The following NUP210L variants were observed in gnomAD, a reference collection of about 807,000 sequenced individuals.
The protein encoded by NUP210L is nuclear pore membrane glycoprotein 210-like.
In NUP210L, 74 loss-of-function variants were observed where a neutral mutation model predicts 208.5. That is an observed-to-expected ratio of 0.35 (90% CI 0.29 to 0.43). The LOEUF (loss-of-function observed/expected upper bound fraction) is 0.43. NUP210L is among the 20% of genes least tolerant of loss of function. NUP210L has a pLI of 1.00. For synonymous variants in NUP210L, 780 were observed against 816.9 expected (o/e 0.95, Z 0.77); for missense variants, 1,843 against 2,289.4 (o/e 0.81, Z 3.98).
chr1:154,072,812 A>C (rs915880757), intron 16 of NUP210L, among the ~76,000 whole-genome samples: 1 of 152,192 alleles, frequency 6.6e-6, no homozygotes. Flanking sequence ...TGAAACTATA[A>C]AAATTCTAGA....
intron 17 of NUP210L, among the ~76,000 whole-genome samples, chr1:154,066,573 T>C (rs960675313): frequency 3.7e-4 from 56 of 152,308 alleles, no homozygotes; most frequent in African/African-American, 1.3e-3. Context: ...ATAGTGCCCC[T>C]GCACTCCGGC....
chr1:154,069,808 C>T (rs865973034), intron 17 of NUP210L, among the ~76,000 whole-genome samples: 3 of 152,166 alleles, frequency 2.0e-5, no homozygotes, highest in Admixed American at 6.5e-5. Context: ...ACCAAAATGT[C>T]CATCAATGAT....
exon 15 of NUP210L, chr1:154,094,974 C>A: frequency 6.2e-7 from 1 of 1,614,098 alleles, no homozygotes. Flanking sequence ...GGTAGATGTA[C>A]TGGTTCTGTT....
intron 27 of NUP210L, among the ~76,000 whole-genome samples, chr1:154,032,995 AAGAAAG>A (rs1481708480): frequency 4.2e-5 from 6 of 143,314 alleles, no homozygotes; most frequent in Non-Finnish European, 9.1e-5. Flanking sequence ...AAAGAAAAGA[AAGAAAG>A]AAAAAAAGAA....
At chr1:153,994,900 T>G (rs939523601) in intron 38 of NUP210L, among the ~76,000 whole-genome samples, 176 bp downstream of exon 38, 67 of 151,330 alleles carry the variant, frequency 4.4e-4, no homozygotes, top group African/African-American at 1.3e-3. Flanking sequence ...TAATCCCAGC[T>G]ACTCGGGAGG....
chr1:154,107,070 C>A (rs1387263563), intron 12 of NUP210L, among the ~76,000 whole-genome samples: 1 of 151,998 alleles, frequency 6.6e-6, no homozygotes, highest in Non-Finnish European at 1.5e-5. Flanking sequence ...ACCTTACAGA[C>A]AAAGAGTTCA....
Position 154,132,651 on chromosome 1 carries a change from T to TG in NUP210L, c.1009+3162dup, listed in dbSNP as rs1009045994. Among the ~76,000 whole-genome samples, 9 of 151,886 alleles carry TG rather than the reference T, an allele frequency of 5.9e-5. No homozygotes were observed. In the East Asian group the frequency reaches 1.2e-3, roughly 20 times the overall value. ...AAAATAACAATATGAACTGAAAATA[T>TG]GGGGGAAAAAAAGAACATTTAAGTT... On this transcript the variant is annotated intron_variant, in intron 7 of 39. Transcript: ENST00000368559.
chr1:154,091,377 T>C (rs1344078655), intron 15 of NUP210L, among the ~76,000 whole-genome samples: 1 of 151,990 alleles, frequency 6.6e-6, no homozygotes, highest in Admixed American at 6.6e-5. Flanking sequence ...ATTACAAGTG[T>C]GAGCCACTGT....
chr1:154,071,838 A>G (rs1284749092), intron 16 of NUP210L, among the ~76,000 whole-genome samples: 1 of 151,642 alleles, frequency 6.6e-6, no homozygotes, highest in Admixed American at 6.6e-5. Context: ...GGATTTCACC[A>G]TGTTAGCCAG....
chr1:154,125,651 A>G (rs372822222), intron 10 of NUP210L, among the ~76,000 whole-genome samples: 2 of 15,808 alleles, frequency 1.3e-4, no homozygotes, highest in Admixed American at 6.6e-4. Context: ...GGAAGGAAGG[A>G]AGGAAGGAAG....
intron 16 of NUP210L, among the ~76,000 whole-genome samples, 181 bp downstream of exon 16, chr1:154,089,240 T>C (rs1000743156): frequency 6.6e-6 from 1 of 152,138 alleles, no homozygotes; most frequent in Admixed American, 6.6e-5. Context: ...TTGGTAAGAA[T>C]GTAAAATGGT....
At chr1:153,993,353 T>G (rs1382462363) in intron 38 of NUP210L, among the ~76,000 whole-genome samples, 1 of 149,938 alleles carries the variant, frequency 6.7e-6, no homozygotes, top group Non-Finnish European at 1.5e-5. Context: ...GATCACGAGG[T>G]CAGGAGATTG....
At chr1:154,029,711 CA>C (rs1652105164) in intron 28 of NUP210L, among the ~76,000 whole-genome samples, 184 bp downstream of exon 28, 1 of 151,862 alleles carries the variant, frequency 6.6e-6, no homozygotes, top group African/African-American at 2.4e-5. Flanking sequence ...AAAACAAAAA[CA>C]AAAAACAAAA....
intron 34 of NUP210L, among the ~76,000 whole-genome samples, chr1:154,010,903 A>C (rs1222348684): frequency 2.0e-5 from 3 of 152,074 alleles, no homozygotes; most frequent in Non-Finnish European, 4.4e-5. Flanking sequence ...ATAAATAAAA[A>C]TAAAGCAGTA....
At chr1:154,039,427 G>A (rs1043873590) in intron 27 of NUP210L, among the ~76,000 whole-genome samples, 35 of 151,856 alleles carry the variant, frequency 2.3e-4, no homozygotes, top group South Asian at 8.4e-4. Flanking sequence ...AGAGACGGGG[G>A]GTTTCACCAT....
intron 15 of NUP210L, among the ~76,000 whole-genome samples, chr1:154,090,809 C>T (rs1448243459): frequency 6.8e-6 from 1 of 148,138 alleles, no homozygotes; most frequent in Non-Finnish European, 1.5e-5. Context: ...CAAACTACAT[C>T]TAAAAAAAAA....
exon 36 of NUP210L, chr1:154,001,765 C>T: frequency 1.9e-6 from 3 of 1,614,120 alleles, no homozygotes; most frequent in Non-Finnish European, 2.5e-6. Flanking sequence ...TGTCCACTCC[C>T]AGTACTCTTA....
intron 33 of NUP210L, among the ~76,000 whole-genome samples, chr1:154,017,129 A>G (rs1205086649): frequency 6.6e-6 from 1 of 151,982 alleles, no homozygotes; most frequent in African/African-American, 2.4e-5. Flanking sequence ...AAAAATACAA[A>G]AATTAGCTGG....
At chr1:154,076,493 GAGAA>G (rs1655049621) in intron 16 of NUP210L, among the ~76,000 whole-genome samples, 1 of 152,088 alleles carries the variant, frequency 6.6e-6, no homozygotes, top group Non-Finnish European at 1.5e-5. Context: ...ACATTACACA[GAGAA>G]TACCAATAAA....
Sources: allele counts gnomAD v4.1 joint callset (sites outside exome capture counted in the v4.1 genomes callset), GRCh38; gene constraint gnomAD v4.1.1; transcripts MANE v1.5; gene names NCBI Gene and HGNC (gene_info 2026-07-23, HGNC 2026-07-21).